RFX3: variants seen among roughly 807,000 people sequenced by gnomAD.
RFX3 encodes the protein transcription factor RFX3.
In RFX3, 14 loss-of-function variants were observed where a neutral mutation model predicts 98.6. That is an observed-to-expected ratio of 0.14 (90% CI 0.09 to 0.22). The LOEUF (loss-of-function observed/expected upper bound fraction) is 0.22, where lower values mean the gene tolerates loss of function less well. Ranked by LOEUF, RFX3 falls within the 10% of genes least tolerant of loss-of-function variation. The probability of loss-of-function intolerance (pLI) is 1.00; values close to 1 mark genes in which losing one functional copy is unlikely to be tolerated. For missense variants in RFX3, 639 were observed against 926.9 expected, an observed-to-expected ratio of 0.69 and a Z score of 4.03; for synonymous variants, 383 against 328.4, an observed-to-expected ratio of 1.17 and a Z score of -1.80.
At chr9:3,279,910 T>C (rs1221480734) in intron 7 of RFX3, among the ~76,000 whole-genome samples, 3 of 151,794 alleles carry the variant, frequency 2.0e-5, no homozygotes, top group Non-Finnish European at 4.4e-5. Context: ...AGATGAAAAA[T>C]GCATCAAGAT....
intron 3 of RFX3, among the ~76,000 whole-genome samples, chr9:3,341,721 A>G (rs1224585211): frequency 6.6e-6 from 1 of 152,220 alleles, no homozygotes; most frequent in Non-Finnish European, 1.5e-5. Flanking sequence ...TCTTTTCCAC[A>G]TAAGGGCAGT....
chr9:3,356,302 C>A (rs754244751), intron 2 of RFX3, among the ~76,000 whole-genome samples: 2 of 151,580 alleles, frequency 1.3e-5, no homozygotes, highest in Non-Finnish European at 3.0e-5. Context: ...AAAGAAGACA[C>A]AAATTACAAA....
chr9:3,226,732 A>T (rs1440032827), intron 16 of RFX3, among the ~76,000 whole-genome samples: 2 of 152,194 alleles, frequency 1.3e-5, no homozygotes, highest in African/African-American at 4.8e-5. Flanking sequence ...CATTTACTTC[A>T]TCAAGAGGGT....
At chr9:3,448,823 A>T (rs1342804002) in intron 1 of RFX3, among the ~76,000 whole-genome samples, 1 of 152,110 alleles carries the variant, frequency 6.6e-6, no homozygotes, top group African/African-American at 2.4e-5. Flanking sequence ...CCCAGCCATA[A>T]CCCACATTTT....
intron 1 of RFX3, among the ~76,000 whole-genome samples, chr9:3,456,807 A>G (rs965102641): frequency 8.5e-5 from 13 of 152,286 alleles, no homozygotes; most frequent in East Asian, 1.9e-4. Flanking sequence ...TGGTCCCTAG[A>G]GGACTACTCA....
chr9:3,321,454 C>T (rs1831310827), intron 4 of RFX3, among the ~76,000 whole-genome samples: 2 of 152,130 alleles, frequency 1.3e-5, no homozygotes, highest in Admixed American at 6.5e-5. Context: ...CAACCTCTTC[C>T]GCATTGCTTG....
intron 2 of RFX3, among the ~76,000 whole-genome samples, chr9:3,374,114 A>G (rs577383412): frequency 6.6e-6 from 1 of 151,814 alleles, no homozygotes; most frequent in Non-Finnish European, 1.5e-5. Context: ...ACACACACAC[A>G]CAAACCCCAC....
intron 13 of RFX3, 127 bp downstream of exon 13, chr9:3,262,808 G>C (rs1159684786): frequency 3.0e-6 from 3 of 992,186 alleles, no homozygotes; most frequent in East Asian, 2.5e-5. Context: ...CTCTCTTTCA[G>C]AACACTGTGA....
chr9:3,485,645 C>T (rs1213482117), intron 1 of RFX3, among the ~76,000 whole-genome samples: 2 of 152,106 alleles, frequency 1.3e-5, no homozygotes, highest in Non-Finnish European at 2.9e-5. Flanking sequence ...TCTATAATCC[C>T]AAATTTGAAA....
chr9:3,332,442 C>G (rs1028974657), intron 3 of RFX3, among the ~76,000 whole-genome samples: 26 of 152,096 alleles, frequency 1.7e-4, no homozygotes, highest in African/African-American at 5.1e-4. Flanking sequence ...TGTTGCTGCT[C>G]AAAAACTTTC....
chr9:3,251,239 G>T (rs919453387), intron 14 of RFX3, among the ~76,000 whole-genome samples: 1 of 152,062 alleles, frequency 6.6e-6, no homozygotes, highest in African/African-American at 2.4e-5. Flanking sequence ...AATAGCCTAT[G>T]GTAAACAACT....
rs566717561 is a variant in RFX3, at chr9:3,224,787, T to G, written c.*255A>C. 9.7e-4 allele frequency: 349 copies of G among 359,552 alleles called. 2 individuals carry two copies. Among genetic ancestry groups the G allele is most frequent in the Non-Finnish European group, 9.4e-4 (188 of 200,416 alleles). The allele number at this position is 359,552 out of a possible 1,614,324, so 22.3% of individuals were successfully genotyped here. On this transcript the variant is annotated 3_prime_UTR_variant, in exon 17 of 17. Transcript: ENST00000617270. ...TTATAAGAAAACAAAACATTGACAT[T>G]AAGTGTTGTAAAAATCCTTCTTGAC...
intron 1 of RFX3, among the ~76,000 whole-genome samples, chr9:3,428,480 C>A (rs1018679808): frequency 6.6e-6 from 1 of 152,192 alleles, no homozygotes; most frequent in Non-Finnish European, 1.5e-5. Context: ...TAAAGTCTTT[C>A]TTCCCATACT....
chr9:3,246,899 T>C (rs1316482943), intron 15 of RFX3: 2 of 212,014 alleles, frequency 9.4e-6, no homozygotes, highest in Admixed American at 6.5e-5. Context: ...GTGGAAAAGA[T>C]GAATATTTCA....
intron 1 of RFX3, among the ~76,000 whole-genome samples, chr9:3,508,539 T>A (rs1022410626): frequency 6.7e-6 from 1 of 150,232 alleles, no homozygotes; most frequent in East Asian, 1.9e-4. Context: ...TGATAAAGAA[T>A]AAAAAAGAGG....
intron 2 of RFX3, among the ~76,000 whole-genome samples, chr9:3,391,259 A>C (rs1243545482): frequency 6.6e-6 from 1 of 152,172 alleles, no homozygotes; most frequent in East Asian, 1.9e-4. Flanking sequence ...AGTTATAGAC[A>C]ATTTATATCC....
chr9:3,332,479 A>G (rs986650978), intron 3 of RFX3, among the ~76,000 whole-genome samples: 12 of 152,114 alleles, frequency 7.9e-5, no homozygotes, highest in African/African-American at 2.9e-4. Flanking sequence ...CAGATTTTGG[A>G]TTTTGCATTA....
At chr9:3,393,279 A>AT (rs1564035106) in intron 2 of RFX3, among the ~76,000 whole-genome samples, 1 of 152,124 alleles carries the variant, frequency 6.6e-6, no homozygotes, top group Non-Finnish European at 1.5e-5. Flanking sequence ...GTTAAAGGCC[A>AT]TTTTTTTAAA....
chr9:3,323,202 A>C (rs1445646626), intron 4 of RFX3, among the ~76,000 whole-genome samples: 2 of 152,220 alleles, frequency 1.3e-5, no homozygotes, highest in Non-Finnish European at 2.9e-5. Flanking sequence ...ATGAACTAAT[A>C]TGCACAGGAA....
Sources: allele counts gnomAD v4.1 joint callset (sites outside exome capture counted in the v4.1 genomes callset), GRCh38; gene constraint gnomAD v4.1.1; transcripts MANE v1.5; gene names NCBI Gene and HGNC (gene_info 2026-07-23, HGNC 2026-07-21).